CCSER1: variants seen among roughly 807,000 people sequenced by gnomAD.
The protein encoded by CCSER1 is serine-rich coiled-coil domain-containing protein 1.
A neutral mutation model predicts 82.0 loss-of-function variants in CCSER1; 41 were observed. That is an observed-to-expected ratio of 0.50 (90% CI 0.39 to 0.65). The LOEUF is 0.65. Among genes scored for constraint, CCSER1 ranks in the 30% least tolerant of loss-of-function variants. The pLI is 0.00. For synonymous variants in CCSER1, 414 were observed against 383.9 expected (o/e 1.08, Z -0.92); for missense variants, 1,119 against 1,064.2 (o/e 1.05, Z -0.72).
At chr4:90,411,959 G>A (rs539901874) in intron 4 of CCSER1, among the ~76,000 whole-genome samples, 9 of 151,888 alleles carry the variant, frequency 5.9e-5, no homozygotes, top group Admixed American at 2.0e-4. Context: ...AAAATCACAG[G>A]CATTCTTATA....
chr4:91,204,222 C>G (rs572133788), intron 10 of CCSER1, among the ~76,000 whole-genome samples: 1 of 151,882 alleles, frequency 6.6e-6, no homozygotes, highest in East Asian at 1.9e-4. Context: ...TAAAGCATTG[C>G]TACAATAACA....
intron 8 of CCSER1, among the ~76,000 whole-genome samples, chr4:90,921,876 G>A (rs1399026883): frequency 6.6e-6 from 1 of 151,934 alleles, no homozygotes; most frequent in African/African-American, 2.4e-5. Flanking sequence ...TTCAATGATG[G>A]ACAATGTTAT....
At position 91,547,917 on chromosome 4, in the gene CCSER1, G is replaced by T. The variant is rs138605644; in HGVS notation, c.2218-50655G>T. On this transcript the variant is annotated intron_variant, in intron 10 of 10. Transcript: ENST00000509176. ...CTGCCTCAGTCTCCCACGTAGCTGG[G>T]ATTACAGGCGCATGCCACCATGCCC... is the stretch of plus-strand genomic sequence containing the variant. Among the ~76,000 whole-genome samples the T allele has an allele frequency of 3.2e-3, 483 of 152,098 alleles. 4 individuals are homozygous for T. The highest frequency in any genetic ancestry group is 0.011 in the African/African-American group (473 of 41,466).
At chr4:91,090,334 C>T (rs1723817832) in intron 10 of CCSER1, among the ~76,000 whole-genome samples, 1 of 152,134 alleles carries the variant, frequency 6.6e-6, no homozygotes, top group South Asian at 2.1e-4. Flanking sequence ...TCCAGTATAA[C>T]CTGCTGGGGG....
intron 3 of CCSER1, among the ~76,000 whole-genome samples, chr4:90,383,606 C>G (rs1423314447): frequency 6.6e-6 from 1 of 151,956 alleles, no homozygotes; most frequent in Non-Finnish European, 1.5e-5. Context: ...GCCACACACA[C>G]ACACGAAGGG....
chr4:90,392,821 G>A (rs1219194006), intron 3 of CCSER1, among the ~76,000 whole-genome samples: 1 of 152,136 alleles, frequency 6.6e-6, no homozygotes, highest in East Asian at 1.9e-4. Flanking sequence ...CTGCTATGCT[G>A]AGAGTTTAAG....
intron 10 of CCSER1, among the ~76,000 whole-genome samples, chr4:91,481,070 C>T (rs997133520): frequency 2.2e-5 from 3 of 138,160 alleles, no homozygotes; most frequent in African/African-American, 8.0e-5. Flanking sequence ...CCTTCCCCTC[C>T]CCTCCCCACC....
intron 3 of CCSER1, among the ~76,000 whole-genome samples, chr4:90,369,695 A>T (rs1747037759): frequency 6.6e-6 from 1 of 151,982 alleles, no homozygotes; most frequent in Non-Finnish European, 1.5e-5. Flanking sequence ...ACATGATCTT[A>T]CAGATCTTAG....
At chr4:90,392,514 A>G (rs1446336002) in intron 3 of CCSER1, among the ~76,000 whole-genome samples, 1 of 152,090 alleles carries the variant, frequency 6.6e-6, no homozygotes, top group East Asian at 1.9e-4. Flanking sequence ...ACCTTTCAGA[A>G]TCTCATTTTG....
At chr4:90,460,450 A>G (rs943195165) in intron 4 of CCSER1, among the ~76,000 whole-genome samples, 6 of 151,954 alleles carry the variant, frequency 3.9e-5, no homozygotes, top group Non-Finnish European at 5.9e-5. Flanking sequence ...AAAGGTTACT[A>G]TTGGCACACA....
At chr4:90,428,022 C>A (rs888449751) in intron 4 of CCSER1, among the ~76,000 whole-genome samples, 2 of 151,752 alleles carry the variant, frequency 1.3e-5, no homozygotes, top group African/African-American at 4.8e-5. Flanking sequence ...CCCATAGGTT[C>A]TGAATCAAAC....
chr4:90,545,491 G>A (rs1776644714), intron 5 of CCSER1, among the ~76,000 whole-genome samples: 1 of 152,052 alleles, frequency 6.6e-6, no homozygotes, highest in South Asian at 2.1e-4. Flanking sequence ...GAGAGTGACA[G>A]TCTCCTCTCT....
chr4:90,820,391 A>C (rs724579), intron 8 of CCSER1, among the ~76,000 whole-genome samples: 20,042 of 152,222 alleles, frequency 0.13, 1,744 homozygotes, highest in Middle Eastern at 0.23. Context: ...GTTCAAGATC[A>C]AGGAGCTAGC....
At chr4:90,244,658 G>A (rs1721098655) in intron 1 of CCSER1, among the ~76,000 whole-genome samples, 1 of 152,082 alleles carries the variant, frequency 6.6e-6, no homozygotes, top group Non-Finnish European at 1.5e-5. Context: ...AGGAAAAGCT[G>A]CCATTTATAA....
intron 8 of CCSER1, among the ~76,000 whole-genome samples, chr4:90,905,290 A>G (rs1480664757): frequency 1.3e-5 from 2 of 152,038 alleles, no homozygotes; most frequent in African/African-American, 2.4e-5. Context: ...ATCTAAACAT[A>G]AAATTGAGCA....
chr4:91,556,420 A>G (rs1422768614), intron 10 of CCSER1, among the ~76,000 whole-genome samples: 1 of 151,170 alleles, frequency 6.6e-6, no homozygotes, highest in East Asian at 1.9e-4. Flanking sequence ...AATCAGTAAT[A>G]GTAGAATAAT....
chr4:90,721,190 C>T (rs181256757), intron 6 of CCSER1, among the ~76,000 whole-genome samples: 15 of 151,622 alleles, frequency 9.9e-5, no homozygotes, highest in Admixed American at 5.3e-4. Flanking sequence ...GAGAGGTGAC[C>T]AATTTGTGCA....
intron 7 of CCSER1, among the ~76,000 whole-genome samples, chr4:90,779,904 A>G (rs973524479): frequency 6.6e-6 from 1 of 152,174 alleles, no homozygotes; most frequent in African/African-American, 2.4e-5. Flanking sequence ...CTGAAAACCA[A>G]CGCCAATCCT....
At chr4:91,526,049 A>G (rs750880550) in intron 10 of CCSER1, among the ~76,000 whole-genome samples, 1 of 152,170 alleles carries the variant, frequency 6.6e-6, no homozygotes, top group Non-Finnish European at 1.5e-5. Context: ...TTTGGGAAAA[A>G]TCCACATTCT....
Sources: allele counts gnomAD v4.1 joint callset (sites outside exome capture counted in the v4.1 genomes callset), GRCh38; gene constraint gnomAD v4.1.1; transcripts MANE v1.5; gene names NCBI Gene and HGNC (gene_info 2026-07-23, HGNC 2026-07-21).